HECTD4: variants seen among roughly 807,000 people sequenced by gnomAD.
HECTD4 encodes the protein probable E3 ubiquitin-protein ligase HECTD4.
A neutral mutation model predicts 471.5 loss-of-function variants in HECTD4; 114 were observed. That is an observed-to-expected ratio of 0.24 (90% confidence interval 0.21 to 0.28). HECTD4 has a LOEUF of 0.28. Ranked by LOEUF, HECTD4 falls within the 10% of genes least tolerant of loss-of-function variation. HECTD4 has a pLI of 1.00. For missense variants in HECTD4, 3,866 were observed against 5,651.5 expected, an observed-to-expected ratio of 0.68 and a Z score of 10.13; for synonymous variants, 2,012 against 2,256.0, an observed-to-expected ratio of 0.89 and a Z score of 3.07.
At chr12:112,246,108 G>A (rs1427215150) in intron 29 of HECTD4, among the ~76,000 whole-genome samples, 1 of 149,420 alleles carries the variant, frequency 6.7e-6, no homozygotes, top group Admixed American at 6.9e-5. Flanking sequence ...CTCCAGCCTG[G>A]ACAACAGAAT....
chr12:112,349,196 T>C (rs1324377591), intron 1 of HECTD4, among the ~76,000 whole-genome samples: 1 of 152,110 alleles, frequency 6.6e-6, no homozygotes, highest in African/African-American at 2.4e-5. Context: ...GAGACCAGCC[T>C]AGCCAATATG....
Position 112,231,388 on chromosome 12 carries a change from C to T in HECTD4, c.6200+125G>A, listed in dbSNP as rs770430085. The T allele has an allele frequency of 1.7e-5, 14 of 842,776 alleles. No homozygotes were observed. The African/African-American group carries it at 2.3e-4, about 14-fold the overall frequency. The allele number at this position is 842,776 out of a possible 1,614,324, so 52.2% of individuals were successfully genotyped here. ...GGCTGTACCTTGAGTGCAACTACTA[C>T]AGCAGATGGCGGCCTCATTTCCAAG... On this transcript the variant is annotated intron_variant, in intron 39 of 75. Transcript: ENST00000682272.
chr12:112,381,992 T>G lies in HECTD4; in HGVS notation c.137A>C (p.Glu46Ala). ...CGCGGCCTCTGGGGCCCCGAGGATC[T>G]CGCTGGGCAGCTCGGCCAGGTCGGT... is the stretch of plus-strand genomic sequence containing the variant. ...RVTDLAELPS[E>A]ILGAPEAADT... Residue 46 changes from glutamate to alanine, a missense_variant, in exon 1 of 76, where the codon GAG becomes GCG. Glu to Ala is a moderately radical substitution (Grantham distance 107). Coordinates refer to ENST00000682272, the MANE Select transcript of HECTD4 (RefSeq NM_001388303.1). The surrounding 1 kb of genome is among the most constrained non-coding windows in gnomAD (Gnocchi z 4.1). 3 of 1,224,784 alleles carry G rather than the reference T, an allele frequency of 2.4e-6. No homozygotes were observed. The highest frequency in any genetic ancestry group is 4.1e-5 in the South Asian group (1 of 24,272). 75.9% of individuals were successfully genotyped at this position (1,224,784 alleles called of 1,614,324 possible). A position where few individuals can be genotyped will look rare whatever the true frequency, so the allele number is the denominator to read the frequency against.
Position 112,243,489 on chromosome 12 carries a change from G to A in HECTD4, c.4822C>T (p.Gln1608Ter). Residue 1608 changes from glutamine to a stop codon, truncating the protein, a stop_gained, in exon 32 of 76, where the codon CAG becomes TAG. Coordinates refer to ENST00000682272, the MANE Select transcript of HECTD4 (RefSeq NM_001388303.1). LOFTEE classifies it high-confidence loss of function. The surrounding 1 kb of genome is among the most constrained non-coding windows in gnomAD (Gnocchi z 6.6). ...VSSSSFLLAA[Q>*]TRWRRGNTRK... ...GTGTTTCCCCGCCGCCACCTTGTCT[G>A]TGCAGCCAAAAGGAAACTGCTGCTG... The A allele has an allele frequency of 6.2e-7, 1 of 1,606,320 alleles. No homozygotes were observed. Among genetic ancestry groups the A allele is most frequent in the South Asian group, 1.1e-5 (1 of 89,626 alleles).
intron 1 of HECTD4, among the ~76,000 whole-genome samples, chr12:112,355,678 C>T (rs1458588316): frequency 1.4e-5 from 2 of 147,736 alleles, no homozygotes; most frequent in Non-Finnish European, 3.0e-5. Flanking sequence ...GCAGGAGAAT[C>T]GCTTGAGCCC....
chr12:112,175,650 A>T, intron 66 of HECTD4, 86 bp downstream of exon 66: 1 of 1,454,320 alleles, frequency 6.9e-7, no homozygotes, highest in Non-Finnish European at 9.5e-7. Context: ...AACAGGGGAG[A>T]CGGATCAGCT....
In HECTD4 at chr12:112,179,154, T is replaced by C. The variant is rs946129093; in HGVS notation, c.11211+20A>G. 5 of 1,613,436 alleles carry C rather than the reference T, an allele frequency of 3.1e-6. No homozygotes were observed. In the African/African-American group the frequency reaches 6.7e-5, roughly 22 times the overall value. ...GGGCACCCAAGGCCCGGCCTGGGTA[T>C]GGTGGGGACGGGCAGCTACCTGGGT... On this transcript the variant is annotated intron_variant, in intron 63 of 75. Transcript: ENST00000682272. This position sits in a 1 kb window ranked among gnomAD's most constrained non-coding sequence, Gnocchi z 4.3.
chr12:112,167,127 G>A (rs1367793431), intron 72 of HECTD4, 190 bp downstream of exon 72: 3 of 508,948 alleles, frequency 5.9e-6, no homozygotes, highest in Admixed American at 3.7e-5. Flanking sequence ...TCTGCTGCCA[G>A]CAGGGAGGGA....
chr12:112,165,982 G>A (rs1363880664), intron 72 of HECTD4, among the ~76,000 whole-genome samples: 2 of 152,158 alleles, frequency 1.3e-5, no homozygotes, highest in Admixed American at 6.5e-5. Flanking sequence ...GATACAAGTC[G>A]AGAGCACTTC....
chr12:112,242,809 G>A (rs1221634676), intron 32 of HECTD4, among the ~76,000 whole-genome samples: 1 of 152,148 alleles, frequency 6.6e-6, no homozygotes, highest in East Asian at 1.9e-4. Context: ...TACTTGGGAG[G>A]TTGAGACACG....
At chr12:112,219,319 G>C in intron 45 of HECTD4, 67 bp downstream of exon 45, 1 of 1,145,330 alleles carries the variant, frequency 8.7e-7, no homozygotes, top group Non-Finnish European at 1.3e-6. Context: ...TCCTTAACTT[G>C]CTGCTGGCCT....
At chr12:112,348,756 A>G (rs1341456139) in intron 1 of HECTD4, among the ~76,000 whole-genome samples, 3 of 152,128 alleles carry the variant, frequency 2.0e-5, no homozygotes, top group Non-Finnish European at 2.9e-5. Flanking sequence ...TCTTTTGGGG[A>G]AAAAAAAGTG....
chr12:112,233,183 ATACACTAACATTAGCT>A (rs1403198191), intron 37 of HECTD4, 98 bp from the exon 38 acceptor site: 34 of 666,580 alleles, frequency 5.1e-5, no homozygotes, highest in Non-Finnish European at 7.0e-5. Flanking sequence ...AGGCCCTATT[ATACACTAACATTAGCT>A]TACACTAACA....
In HECTD4 at chr12:112,204,614, T is replaced by G. The variant is rs547681215; in HGVS notation, c.8141A>C (p.Asp2714Ala). ...IKGALQLGMV[D>A]IARQTVEFLY... ...AAATTCAACCGTCTGTCGGGCAATATCCACCATACCTAAAAAATATAACAG... is the reference window on the plus strand; with the variant it reads ...AAATTCAACCGTCTGTCGGGCAATAGCCACCATACCTAAAAAATATAACAG... The change falls in exon 53 of 76, where the codon GAT (aspartate) becomes GCT (alanine). Residue 2714 changes from aspartate to alanine, a missense_variant. By Grantham distance (126) the Asp-to-Ala change is moderately radical. Around this residue, in one of 16 missense-constraint regions of HECTD4, gnomAD observed 266 missense variants for 441.6 expected, o/e 0.60. Coordinates refer to ENST00000682272, the MANE Select transcript of HECTD4 (RefSeq NM_001388303.1). 1 of 1,612,836 alleles carries G rather than the reference T, an allele frequency of 6.2e-7. No individual in the cohort carries two copies. Among genetic ancestry groups the G allele is most frequent in the Non-Finnish European group, 8.5e-7 (1 of 1,179,280 alleles).
intron 4 of HECTD4, 39 bp downstream of exon 4, chr12:112,312,978 A>G (rs1448811537): frequency 4.6e-6 from 7 of 1,518,610 alleles, no homozygotes. Flanking sequence ...CTTTATTTAC[A>G]TCTTACTATT....
At position 112,213,483 on chromosome 12, in the gene HECTD4, G is replaced by A. The variant is rs547595158; in HGVS notation, c.7466-833C>T. On this transcript the variant is annotated intron_variant, in intron 48 of 75. Coordinates refer to ENST00000682272, the MANE Select transcript of HECTD4 (RefSeq NM_001388303.1). This position sits in a 1 kb window ranked among gnomAD's most constrained non-coding sequence, Gnocchi z 4.0. ...GGGTGGATCACAAGGTCAGGAGATCGAGTCCATCCTGGCTAACACGGTGAA... is the reference window on the plus strand; with the variant it reads ...GGGTGGATCACAAGGTCAGGAGATCAAGTCCATCCTGGCTAACACGGTGAA... 8.0e-5 allele frequency among the ~76,000 whole-genome samples: 12 copies of A among 149,394 alleles called. No individual in the cohort carries two copies. The East Asian group carries it at 1.4e-3, about 18-fold the overall frequency.
At chr12:112,167,782 G>C (rs754691411) in intron 71 of HECTD4, 32 bp downstream of exon 71, 9 of 1,566,442 alleles carry the variant, frequency 5.7e-6, no homozygotes, top group Non-Finnish European at 7.0e-6. Context: ...ATGAGCTCGG[G>C]GGCGTGGAGC....
intron 7 of HECTD4, among the ~76,000 whole-genome samples, chr12:112,284,586 T>C (rs1444989757): frequency 6.6e-6 from 1 of 152,164 alleles, no homozygotes; most frequent in African/African-American, 2.4e-5. Context: ...AAGAAAAAGA[T>C]TTGTTACAGA....
Position 112,238,099 on chromosome 12 carries a change from C to A in HECTD4, c.5290+953G>T, listed in dbSNP as rs186244104. 8.5e-4 allele frequency among the ~76,000 whole-genome samples: 129 copies of A among 152,236 alleles called. 1 individual carries two copies. The Middle Eastern group carries it at 0.01, about 12-fold the overall frequency. ...AAGGGAGGAATAATGCCTTATTTATCTTTTGCCTGGCATATAATAGACTCT... is the reference window on the plus strand; with the variant it reads ...AAGGGAGGAATAATGCCTTATTTATATTTTGCCTGGCATATAATAGACTCT... On this transcript the variant is annotated intron_variant, in intron 34 of 75. Coordinates refer to ENST00000682272, the MANE Select transcript of HECTD4 (RefSeq NM_001388303.1).
Sources: gnomAD v4.1 joint callset for allele counts (sites outside exome capture counted in the v4.1 genomes callset) on GRCh38, gnomAD v4.1.1 for gene constraint, gnomAD v4.1.1 regional missense constraint, Gnocchi (gnomAD v3.1) non-coding constraint, MANE v1.5 for transcripts, NCBI Gene and HGNC (gene_info 2026-07-23, HGNC 2026-07-21) for gene names.